The following LASP1 variants were observed in gnomAD, a reference collection of about 807,000 sequenced individuals.
The protein encoded by LASP1 is LIM and SH3 domain protein 1.
A neutral mutation model predicts 38.6 loss-of-function variants in LASP1; 10 were observed. The ratio of observed to expected loss-of-function variants is 0.26; its 90% CI spans 0.16 to 0.44. The LOEUF is 0.44. Among genes scored for constraint, LASP1 ranks in the 20% least tolerant of loss-of-function variants. LASP1 has a pLI of 1.00. For missense variants in LASP1, 243 were observed against 375.7 expected (o/e 0.65, Z 2.92); for synonymous variants, 132 against 140.8 (o/e 0.94, Z 0.44).
At chr17:38,879,081 C>T (rs1913865007) in intron 2 of LASP1, among the ~76,000 whole-genome samples, 1 of 151,838 alleles carries the variant, frequency 6.6e-6, no homozygotes, top group African/African-American at 2.4e-5. Flanking sequence ...CAGCCGCCTC[C>T]ACCTGCGAGG....
Position 38,919,775 on chromosome 17 carries a change from T to C in LASP1, c.*997T>C. The C allele has an allele frequency of 2.4e-6, 1 of 419,454 alleles. No individual in the cohort carries two copies. Among genetic ancestry groups the C allele is most frequent in the Non-Finnish European group, 4.6e-6 (1 of 218,872 alleles). 26.0% of individuals were successfully genotyped at this position (419,454 alleles called of 1,614,324 possible). ...TCCCCAGCCCAATGCCAAGTGGACT[T>C]GGAGCTGCACAAAGTCAGCAGGGAC... On this transcript the variant is annotated 3_prime_UTR_variant, in exon 7 of 7. Transcript: ENST00000318008.
At chr17:38,892,662 T>C (rs1039782693) in intron 3 of LASP1, among the ~76,000 whole-genome samples, 2 of 152,158 alleles carry the variant, frequency 1.3e-5, no homozygotes, top group African/African-American at 4.8e-5. Flanking sequence ...CAGCTCTTTT[T>C]GCCCCGGCAC....
intron 3 of LASP1, among the ~76,000 whole-genome samples, chr17:38,897,800 T>G (rs955646327): frequency 1.3e-5 from 2 of 152,208 alleles, no homozygotes; most frequent in Non-Finnish European, 2.9e-5. Context: ...TCCCTGGGGC[T>G]GTCTCACCAC....
rs1275549274 is a variant in LASP1 at position 38,898,314 on chromosome 17, TC to T, written c.250-95del. 1.6e-5 allele frequency: 11 copies of T among 681,426 alleles called. No individual in the cohort carries two copies. In the Admixed American group the frequency reaches 3.1e-4, roughly 19 times the overall value. 42.2% of individuals were successfully genotyped at this position (681,426 alleles called of 1,614,324 possible). On this transcript the variant is annotated intron_variant, in intron 3 of 6. Coordinates refer to ENST00000318008, the MANE Select transcript of LASP1 (RefSeq NM_006148.4). ...TCAGGGTCTTTCTGCTGACTCCCTG[TC>T]CCTGTCTCCTGACTGGTTGCTGCCT... is the stretch of plus-strand genomic sequence containing the variant.
intron 2 of LASP1, among the ~76,000 whole-genome samples, chr17:38,887,864 C>T (rs1410354931): frequency 6.6e-6 from 1 of 152,178 alleles, no homozygotes; most frequent in Non-Finnish European, 1.5e-5. Flanking sequence ...CTCTGATGCA[C>T]GGCCATGTGG....
chr17:38,878,222 C>A, intron 2 of LASP1, 42 bp downstream of exon 2: 2 of 1,372,686 alleles, frequency 1.5e-6, no homozygotes, highest in Non-Finnish European at 2.1e-6. Flanking sequence ...GGCACCTTGG[C>A]TCCCTCCCCG....
chr17:38,870,348 ATC>A, intron 1 of LASP1, 90 bp downstream of exon 1: 1 of 1,392,662 alleles, frequency 7.2e-7, no homozygotes, highest in Non-Finnish European at 1.0e-6. Flanking sequence ...TTGCCGCCTT[ATC>A]CCCGCGATCC....
intron 4 of LASP1, among the ~76,000 whole-genome samples, chr17:38,913,606 C>T (rs1453978118): frequency 6.6e-6 from 1 of 152,184 alleles, no homozygotes. Context: ...AAACACCTAG[C>T]ACGGCCCTGG....
chr17:38,895,929 TGGGGTCCTCTGG>T (rs1914476479), intron 3 of LASP1, among the ~76,000 whole-genome samples: 1 of 151,750 alleles, frequency 6.6e-6, no homozygotes. Flanking sequence ...CTCCCAGGAG[TGGGGTCCTCTGG>T]GAGCCCAGGC....
intron 1 of LASP1, among the ~76,000 whole-genome samples, chr17:38,873,691 G>A (rs1037204465): frequency 3.9e-5 from 6 of 152,228 alleles, no homozygotes; most frequent in Admixed American, 3.9e-4. Flanking sequence ...ATTTGTGGAG[G>A]TGCAGCAAAG....
chr17:38,910,733 C>CTTT (rs10526728), intron 4 of LASP1, among the ~76,000 whole-genome samples: 1 of 135,476 alleles, frequency 7.4e-6, no homozygotes, highest in Non-Finnish European at 1.5e-5. Context: ...CTGGAGTCCA[C>CTTT]TTTTTTTTAA....
At position 38,872,256 on chromosome 17, in the gene LASP1, C is replaced by T. The variant is rs538607423; in HGVS notation, c.69+1998C>T. ...TAAAGAGGGTGCTGTATAGACTATGCCCTCCCTACCTCTCTGGGATGCTCT... is the reference window on the plus strand; with the variant it reads ...TAAAGAGGGTGCTGTATAGACTATGTCCTCCCTACCTCTCTGGGATGCTCT... On this transcript the variant is annotated intron_variant, in intron 1 of 6. Coordinates refer to ENST00000318008, the MANE Select transcript of LASP1 (RefSeq NM_006148.4). 1.8e-4 allele frequency among the ~76,000 whole-genome samples: 27 copies of T among 152,248 alleles called. No individual in the cohort carries two copies. The South Asian group carries it at 5.6e-3, about 32-fold the overall frequency.
intron 1 of LASP1, 54 bp from the exon 2 acceptor site, chr17:38,878,032 C>G: frequency 7.3e-7 from 1 of 1,374,184 alleles, no homozygotes; most frequent in East Asian, 2.3e-5. Context: ...GGGCCTGAGC[C>G]CCTTTTTCAG....
intron 4 of LASP1, among the ~76,000 whole-genome samples, chr17:38,909,178 C>T (rs1319570304): frequency 6.6e-6 from 1 of 152,174 alleles, no homozygotes; most frequent in East Asian, 1.9e-4. Flanking sequence ...TTCTGAGTTT[C>T]CCCTGAGGGT....
intron 4 of LASP1, among the ~76,000 whole-genome samples, chr17:38,900,378 T>G (rs1353739362): frequency 5.8e-4 from 16 of 27,412 alleles, no homozygotes; most frequent in Admixed American, 5.4e-4. Context: ...AGACCCTGTT[T>G]CCAAAAAAAA....
At chr17:38,902,540 G>A (rs1914674096) in intron 4 of LASP1, among the ~76,000 whole-genome samples, 1 of 151,940 alleles carries the variant, frequency 6.6e-6, no homozygotes, top group Non-Finnish European at 1.5e-5. Flanking sequence ...CCATTGCTAA[G>A]TTGTCCCAAC....
rs1915049037 is a variant in LASP1 at position 38,914,421 on chromosome 17, T to C, written c.454T>C (p.Tyr152His). 6.2e-7 allele frequency: 1 copy of C among 1,611,450 alleles called. No homozygotes were observed. The highest frequency in any genetic ancestry group is 1.3e-5 in the African/African-American group (1 of 74,836). ...TCGGGATTCACAGGACGGCAGCAGC[T>C]ACCGGCGGCCCCTGGAGCAGCAGCA... is the stretch of plus-strand genomic sequence containing the variant. The part of the protein sequence containing the change: ...ERRDSQDGSS[Y>H]RRPLEQQQPH... Residue 152 changes from tyrosine to histidine, a missense_variant, in exon 5 of 7, where the codon TAC becomes CAC. By Grantham distance (83) the Tyr-to-His change is moderately conservative. Coordinates refer to ENST00000318008, the MANE Select transcript of LASP1 (RefSeq NM_006148.4).
intron 4 of LASP1, among the ~76,000 whole-genome samples, chr17:38,911,542 A>C (rs1598120665): frequency 6.6e-6 from 1 of 151,974 alleles, no homozygotes; most frequent in Admixed American, 6.5e-5. Flanking sequence ...GTCTTCCCCC[A>C]CCACCCCAGC....
intron 4 of LASP1, among the ~76,000 whole-genome samples, chr17:38,906,764 G>C (rs1259746163): frequency 1.3e-5 from 2 of 152,154 alleles, no homozygotes; most frequent in Non-Finnish European, 1.5e-5. Context: ...TCAGCTAGCA[G>C]AGCTTTGTCA....
Sources: allele counts gnomAD v4.1 joint callset (sites outside exome capture counted in the v4.1 genomes callset), GRCh38; gene constraint gnomAD v4.1.1; transcripts MANE v1.5; gene names NCBI Gene and HGNC (gene_info 2026-07-23, HGNC 2026-07-21).